The following QTGAL variants were observed in gnomAD, a reference collection of about 807,000 sequenced individuals.
QTGAL encodes queuosine-tRNA galactosyltransferase.
chr17:82,945,678 T>C, the QTGAL span: 1 of 152,210 alleles, frequency 6.6e-6, no homozygotes, highest in Non-Finnish European at 1.5e-5. Flanking sequence ...TTGAGAGCTG[T>C]CCTGTTTATT....
chr17:83,032,177 G>C, the QTGAL span, among the ~76,000 whole-genome samples: 41 of 100,554 alleles, frequency 4.1e-4, no homozygotes, highest in African/African-American at 1.9e-3. Context: ...GACCGAACTC[G>C]GGAGCTGAAC....
chr17:82,947,182 G>C, the QTGAL span: 1 of 524,158 alleles, frequency 1.9e-6, no homozygotes, highest in Non-Finnish European at 3.4e-6. Flanking sequence ...CACAGGCCCT[G>C]TTGGTCACCA....
At chr17:83,030,243 A>C in the QTGAL span, among the ~76,000 whole-genome samples, 2 of 152,352 alleles carry the variant, frequency 1.3e-5, no homozygotes, top group East Asian at 3.9e-4. Context: ...CCCCTACAGT[A>C]CTAAGTTCTC....
chr17:82,996,029 C>G, the QTGAL span, among the ~76,000 whole-genome samples: 1 of 152,032 alleles, frequency 6.6e-6, no homozygotes, highest in East Asian at 1.9e-4. Context: ...GGAATTAACT[C>G]AACCAAAGGA....
chr17:82,957,595 T>G, the QTGAL span: 1 of 1,418,794 alleles, frequency 7.0e-7, no homozygotes. Flanking sequence ...ACGTTGCCAG[T>G]GGAGTGGACA....
the QTGAL span, among the ~76,000 whole-genome samples, chr17:82,972,947 G>A: frequency 6.6e-6 from 1 of 152,226 alleles, no homozygotes; most frequent in African/African-American, 2.4e-5. Context: ...GGGGCCAGAA[G>A]GACCTGGGGC....
the QTGAL span, chr17:82,944,593 A>G: frequency 6.6e-6 from 1 of 152,330 alleles, no homozygotes; most frequent in Non-Finnish European, 1.5e-5. Context: ...ACTGTGTCCA[A>G]TGGCAGAAAA....
the QTGAL span, among the ~76,000 whole-genome samples, chr17:82,969,133 G>GGA: frequency 3.0e-5 from 2 of 66,502 alleles, no homozygotes; most frequent in African/African-American, 7.0e-5. Context: ...CTCCATTTCA[G>GGA]GAAAAAAAAA....
the QTGAL span, among the ~76,000 whole-genome samples, chr17:82,954,275 T>A: frequency 6.6e-6 from 1 of 152,188 alleles, no homozygotes; most frequent in Non-Finnish European, 1.5e-5. Flanking sequence ...CTCCTTAAGC[T>A]GATAAGCAAC....
chr17:82,954,457 A>G, the QTGAL span, among the ~76,000 whole-genome samples: 1 of 152,170 alleles, frequency 6.6e-6, no homozygotes, highest in Admixed American at 6.5e-5. Flanking sequence ...CTCTTCAAGA[A>G]AAACTATAAA....
the QTGAL span, among the ~76,000 whole-genome samples, chr17:83,009,711 G>A: frequency 1.6e-3 from 248 of 152,278 alleles, 5 homozygotes; most frequent in South Asian, 0.017. Flanking sequence ...TCGGTGCATG[G>A]TGCTGGGTGC....
the QTGAL span, chr17:82,957,510 G>C: frequency 8.2e-6 from 13 of 1,592,546 alleles, no homozygotes; most frequent in Admixed American, 5.3e-5. Flanking sequence ...GTGGAGAAGA[G>C]GGTGATAGGC....
At chr17:82,965,697 G>A in the QTGAL span, 103 of 1,612,442 alleles carry the variant, frequency 6.4e-5, no homozygotes, top group African/African-American at 8.1e-4. Context: ...CCACGCTCGC[G>A]AGCAGAACCA....
chr17:83,018,468 T>A, the QTGAL span, among the ~76,000 whole-genome samples: 2 of 152,230 alleles, frequency 1.3e-5, no homozygotes, highest in South Asian at 2.1e-4. Flanking sequence ...CACTTTTTTT[T>A]TATATTTATC....
chr17:82,956,952 C>A, the QTGAL span: 3 of 937,706 alleles, frequency 3.2e-6, no homozygotes, highest in South Asian at 3.0e-5. This position sits in a 1 kb window ranked among gnomAD's most constrained non-coding sequence, Gnocchi z 5.7. Context: ...CCCGCCACCC[C>A]CGCCTGACAC....
chr17:83,015,396 G>A, the QTGAL span, among the ~76,000 whole-genome samples: 10 of 152,250 alleles, frequency 6.6e-5, no homozygotes, highest in Non-Finnish European at 1.2e-4. The surrounding 1 kb of genome is among the most constrained non-coding windows in gnomAD (Gnocchi z 4.4). Context: ...ATTCAAATGT[G>A]GAAAGAACCC....
At chr17:82,985,883 C>T in the QTGAL span, among the ~76,000 whole-genome samples, 52 of 152,182 alleles carry the variant, frequency 3.4e-4, no homozygotes, top group East Asian at 0.01. Context: ...ATCGTGTATT[C>T]CAGGAAAGTG....
chr17:83,032,894 C>T, the QTGAL span, among the ~76,000 whole-genome samples: 1,387 of 152,310 alleles, frequency 9.1e-3, 23 homozygotes, highest in African/African-American at 0.032. Flanking sequence ...CACACGGGCA[C>T]GCCTCTCCCA....
chr17:83,033,004 C>T, the QTGAL span, among the ~76,000 whole-genome samples: 181 of 152,318 alleles, frequency 1.2e-3, no homozygotes, highest in Non-Finnish European at 1.6e-3. Flanking sequence ...CGTAAATCCC[C>T]GCGTAGGCAG....
Sources: allele counts gnomAD v4.1 joint callset (sites outside exome capture counted in the v4.1 genomes callset), GRCh38; gene constraint gnomAD v4.1.1; non-coding constraint Gnocchi (gnomAD v3.1); transcripts MANE v1.5; gene names NCBI Gene and HGNC (gene_info 2026-07-23, HGNC 2026-07-21).